The following SHISA9 variants were observed in gnomAD, a reference collection of about 807,000 sequenced individuals.
The protein encoded by SHISA9 is shisa family member 9, also known as protein shisa-9.
SHISA9 carries 13 observed loss-of-function variants against 38.0 expected under a neutral mutation model. The ratio of observed to expected loss-of-function variants is 0.34; its 90% confidence interval spans 0.22 to 0.54. The LOEUF is 0.54. Among genes scored for constraint, SHISA9 ranks in the 20% least tolerant of loss-of-function variants. The pLI is 0.91. For synonymous variants in SHISA9, 275 were observed against 242.0 expected, an observed-to-expected ratio of 1.14 and a Z score of -1.27; for missense variants, 538 against 575.8, an observed-to-expected ratio of 0.93 and a Z score of 0.67.
chr16:13,272,451 C>T, the SHISA9 span, among the ~76,000 whole-genome samples: 1 of 151,804 alleles, frequency 6.6e-6, no homozygotes, highest in Non-Finnish European at 1.5e-5. Context: ...TGGTCTTGAA[C>T]TCCTGGACTC....
At chr16:13,078,177 G>T (rs936720793) in intron 2 of SHISA9, among the ~76,000 whole-genome samples, 1 of 152,138 alleles carries the variant, frequency 6.6e-6, no homozygotes, top group Non-Finnish European at 1.5e-5. Context: ...CTTAGTATCC[G>T]CAGGGGATTG....
the SHISA9 span, among the ~76,000 whole-genome samples, chr16:13,319,160 A>C: frequency 3.3e-5 from 5 of 152,134 alleles, no homozygotes; most frequent in Non-Finnish European, 4.4e-5. Flanking sequence ...GGCTCATGCC[A>C]CAAGGCACTG....
chr16:13,056,351 T>C (rs1047199307), intron 2 of SHISA9, among the ~76,000 whole-genome samples: 3 of 152,226 alleles, frequency 2.0e-5, no homozygotes, highest in Admixed American at 6.5e-5. Context: ...TAGGGAAAAG[T>C]CAAATTATGC....
chr16:13,432,998 G>C, the SHISA9 span, among the ~76,000 whole-genome samples: 2 of 151,780 alleles, frequency 1.3e-5, no homozygotes, highest in Admixed American at 1.3e-4. Context: ...GAAATAATCT[G>C]TACAGCAAAC....
chr16:13,164,887 A>G (rs1472900038), intron 2 of SHISA9, among the ~76,000 whole-genome samples: 4 of 152,148 alleles, frequency 2.6e-5, no homozygotes, highest in Non-Finnish European at 5.9e-5. Context: ...ATTTTATTCT[A>G]TGGCTTACAA....
the SHISA9 span, among the ~76,000 whole-genome samples, chr16:13,535,220 T>A: frequency 2.6e-5 from 4 of 152,178 alleles, no homozygotes; most frequent in Non-Finnish European, 4.4e-5. Context: ...CACTCCAGCC[T>A]GGGTAACAGA....
At chr16:13,543,233 G>T in the SHISA9 span, among the ~76,000 whole-genome samples, 1 of 152,194 alleles carries the variant, frequency 6.6e-6, no homozygotes, top group Non-Finnish European at 1.5e-5. Context: ...ACAGTACAAT[G>T]TGGTATAATG....
chr16:13,513,708 C>G, the SHISA9 span, among the ~76,000 whole-genome samples: 1 of 152,082 alleles, frequency 6.6e-6, no homozygotes, highest in Non-Finnish European at 1.5e-5. Context: ...AAGGTAGAAG[C>G]CATGATCCTC....
intron 2 of SHISA9, among the ~76,000 whole-genome samples, chr16:12,994,833 G>A (rs1025941836): frequency 5.3e-5 from 8 of 152,130 alleles, no homozygotes; most frequent in African/African-American, 1.9e-4. Flanking sequence ...GTGGATAGAG[G>A]TCCCATTTAC....
chr16:13,526,056 T>C, the SHISA9 span, among the ~76,000 whole-genome samples: 3 of 152,366 alleles, frequency 2.0e-5, no homozygotes, highest in African/African-American at 7.2e-5. Context: ...CTATCACTTT[T>C]GGTCTTTGAG....
chr16:13,161,605 A>T (rs2050595759), intron 2 of SHISA9, among the ~76,000 whole-genome samples: 1 of 152,160 alleles, frequency 6.6e-6, no homozygotes, highest in Non-Finnish European at 1.5e-5. Flanking sequence ...GTCCAGACCC[A>T]TGGTCAGGAC....
intron 2 of SHISA9, among the ~76,000 whole-genome samples, chr16:13,132,652 C>T (rs917526825): frequency 6.6e-6 from 1 of 152,118 alleles, no homozygotes; most frequent in Non-Finnish European, 1.5e-5. Context: ...GGTCTAAAGC[C>T]ATTGTCTCCT....
chr16:13,258,801 C>T, the SHISA9 span, among the ~76,000 whole-genome samples: 1 of 152,228 alleles, frequency 6.6e-6, no homozygotes, highest in African/African-American at 2.4e-5. Context: ...AAAACTGGCT[C>T]CCATGATTCA....
chr16:13,264,278 G>GT, the SHISA9 span, among the ~76,000 whole-genome samples: 1 of 150,292 alleles, frequency 6.7e-6, no homozygotes, highest in African/African-American at 2.4e-5. Flanking sequence ...AGGTTACAGT[G>GT]TTTTTTGTGC....
intron 2 of SHISA9, among the ~76,000 whole-genome samples, chr16:13,023,681 G>A (rs575668595): frequency 2.0e-5 from 3 of 152,294 alleles, no homozygotes; most frequent in South Asian, 2.1e-4. Flanking sequence ...TCCAGCATCC[G>A]TTGTTTCCTG....
At chr16:13,033,857 T>C (rs1973484) in intron 2 of SHISA9, among the ~76,000 whole-genome samples, 3 of 152,074 alleles carry the variant, frequency 2.0e-5, no homozygotes, top group Non-Finnish European at 2.9e-5. Flanking sequence ...TTAAGATACC[T>C]CCATGTGGCT....
At chr16:13,081,704 T>G (rs1272025370) in intron 2 of SHISA9, among the ~76,000 whole-genome samples, 1 of 152,092 alleles carries the variant, frequency 6.6e-6, no homozygotes, top group African/African-American at 2.4e-5. Context: ...AGGGTTTTTA[T>G]TAGCTGGGCA....
chr16:13,012,402 C>T (rs1000505737), intron 2 of SHISA9, among the ~76,000 whole-genome samples: 2 of 151,936 alleles, frequency 1.3e-5, no homozygotes, highest in Admixed American at 6.6e-5. Context: ...ACAGAGGGAA[C>T]GTGAGTGCAA....
the SHISA9 span, among the ~76,000 whole-genome samples, chr16:13,504,518 A>T: frequency 6.6e-6 from 1 of 152,226 alleles, no homozygotes; most frequent in African/African-American, 2.4e-5. Flanking sequence ...AAAAGAAATC[A>T]AAATTAATTT....
Sources: gnomAD v4.1 joint callset for allele counts (sites outside exome capture counted in the v4.1 genomes callset) on GRCh38, gnomAD v4.1.1 for gene constraint, MANE v1.5 for transcripts, NCBI Gene and HGNC (gene_info 2026-07-23, HGNC 2026-07-21) for gene names.